The following RTL4 variants were observed in gnomAD, a reference collection of about 807,000 sequenced individuals.
RTL4 encodes retrotransposon Gag like 4, also known as retrotransposon Gag-like protein 4.
In RTL4, 4 loss-of-function variants were observed where a neutral mutation model predicts 5.3. That is an observed-to-expected ratio of 0.75 (90% CI 0.37 to 1.72). The LOEUF (loss-of-function observed/expected upper bound fraction) is 1.72, where lower values mean the gene tolerates loss of function less well. RTL4 is among the 40% of genes most tolerant of loss of function. The pLI, the probability that RTL4 is intolerant of heterozygous loss-of-function variation, is 0.04. For missense variants in RTL4, 260 were observed against 227.1 expected (o/e 1.14, Z -0.93); for synonymous variants, 98 against 87.3 (o/e 1.12, Z -0.68).
the RTL4 span, among the ~76,000 whole-genome samples, chrX:112,309,647 C>T: frequency 6.5e-4 from 70 of 107,728 alleles, no homozygotes; most frequent in Non-Finnish European, 1.1e-3. Context: ...TGCCACCACG[C>T]CCAACTCATT....
At chrX:112,320,047 A>G in the RTL4 span, 1 of 113,028 alleles carries the variant, frequency 8.8e-6, no homozygotes, top group Non-Finnish European at 1.9e-5. Context: ...TTTGAGATCA[A>G]CAGAGTGATC....
the RTL4 span, among the ~76,000 whole-genome samples, chrX:112,362,761 C>A: frequency 9.0e-6 from 1 of 111,026 alleles, no homozygotes; most frequent in African/African-American, 3.3e-5. Context: ...CAGACTCTCT[C>A]AGTTCCTTAC....
the RTL4 span, among the ~76,000 whole-genome samples, chrX:112,183,165 A>G: frequency 8.9e-6 from 1 of 112,454 alleles, no homozygotes; most frequent in African/African-American, 3.2e-5. Flanking sequence ...TGAAGGAAGC[A>G]CTAAATATGG....
At chrX:112,136,940 A>G in the RTL4 span, among the ~76,000 whole-genome samples, 7 of 111,947 alleles carry the variant, frequency 6.3e-5, no homozygotes, top group East Asian at 1.4e-3. Context: ...TCTTCTTGAC[A>G]TTGGCCTTAG....
chrX:112,309,370 A>T, the RTL4 span, among the ~76,000 whole-genome samples: 6 of 110,576 alleles, frequency 5.4e-5, no homozygotes, highest in South Asian at 1.9e-3. Context: ...AAACCTAACT[A>T]CCACCCCAAA....
chrX:112,202,377 C>T, the RTL4 span, among the ~76,000 whole-genome samples: 3 of 109,975 alleles, frequency 2.7e-5, no homozygotes, highest in African/African-American at 9.9e-5. Context: ...TTTACCTGCA[C>T]AAGACCATCT....
chrX:112,425,694 C>T, the RTL4 span, among the ~76,000 whole-genome samples: 1 of 111,496 alleles, frequency 9.0e-6, no homozygotes, highest in Admixed American at 9.6e-5. Context: ...GTTGAATACC[C>T]TTTTATATGC....
the RTL4 span, among the ~76,000 whole-genome samples, chrX:112,132,927 T>C: frequency 8.9e-6 from 1 of 112,536 alleles, no homozygotes; most frequent in African/African-American, 3.2e-5. Flanking sequence ...AGTATTTGAA[T>C]GTTATAGATG....
chrX:112,262,872 G>T, the RTL4 span, among the ~76,000 whole-genome samples: 1 of 110,464 alleles, frequency 9.1e-6, no homozygotes, highest in South Asian at 4.0e-4. Context: ...TCATAAAAAA[G>T]GATGAGTTCA....
At chrX:112,148,911 T>C in the RTL4 span, among the ~76,000 whole-genome samples, 1 of 111,762 alleles carries the variant, frequency 8.9e-6, no homozygotes, top group Non-Finnish European at 1.9e-5. Flanking sequence ...CATTGATGTG[T>C]CATTTCCACT....
the RTL4 span, among the ~76,000 whole-genome samples, chrX:112,437,784 A>T: frequency 1.2e-5 from 1 of 84,821 alleles, no homozygotes; most frequent in Admixed American, 1.5e-4. Flanking sequence ...TCTGTAAGTC[A>T]TGGTAGTGGT....
the RTL4 span, among the ~76,000 whole-genome samples, chrX:112,243,049 T>C: frequency 1.8e-5 from 2 of 111,876 alleles, no homozygotes; most frequent in Non-Finnish European, 3.8e-5. Flanking sequence ...GCCACCTTGA[T>C]CTTGGTGGAT....
the RTL4 span, among the ~76,000 whole-genome samples, chrX:112,235,944 G>T: frequency 4.5e-5 from 5 of 111,691 alleles, no homozygotes; most frequent in Non-Finnish European, 9.4e-5. Context: ...TTGTGGAATA[G>T]CTTCTCATAA....
the RTL4 span, among the ~76,000 whole-genome samples, chrX:112,340,933 G>T: frequency 5.3e-3 from 584 of 110,765 alleles, 5 homozygotes; most frequent in African/African-American, 0.018. Context: ...GGCCAGGCTG[G>T]TCTCAAACTC....
the RTL4 span, among the ~76,000 whole-genome samples, chrX:112,443,782 T>C: frequency 2.7e-5 from 3 of 112,010 alleles, no homozygotes; most frequent in African/African-American, 9.7e-5. Flanking sequence ...TTAAATCAGA[T>C]TATTAGATTT....
the RTL4 span, among the ~76,000 whole-genome samples, chrX:112,266,737 A>G: frequency 5.4e-5 from 6 of 111,229 alleles, no homozygotes; most frequent in Non-Finnish European, 7.5e-5. Context: ...CATGTTTGGT[A>G]TGGACTCTCA....
At chrX:112,098,469 A>T in the RTL4 span, among the ~76,000 whole-genome samples, 2 of 111,683 alleles carry the variant, frequency 1.8e-5, no homozygotes, top group Non-Finnish European at 1.9e-5. Flanking sequence ...CTTTGGGTAT[A>T]TACCCAGTAA....
chrX:112,432,007 T>G, the RTL4 span, among the ~76,000 whole-genome samples: 3 of 100,089 alleles, frequency 3.0e-5, no homozygotes, highest in Admixed American at 3.3e-4. Context: ...TGCGATAGTT[T>G]ACTGAGAATG....
chrX:112,221,790 G>T, the RTL4 span, among the ~76,000 whole-genome samples: 1 of 112,213 alleles, frequency 8.9e-6, no homozygotes, highest in Non-Finnish European at 1.9e-5. Flanking sequence ...CAAACACAAA[G>T]ATTTAGCTTC....
Sources: allele counts gnomAD v4.1 joint callset (sites outside exome capture counted in the v4.1 genomes callset), GRCh38; gene constraint gnomAD v4.1.1; transcripts MANE v1.5; gene names NCBI Gene and HGNC (gene_info 2026-07-23, HGNC 2026-07-21).